LPP: variants seen among roughly 807,000 people sequenced by gnomAD.
LPP encodes the protein LIM domain containing preferred translocation partner in lipoma, also known as lipoma-preferred partner.
LPP carries 38 observed loss-of-function variants against 60.4 expected under a neutral mutation model. That is an observed-to-expected ratio of 0.63 (90% CI 0.49 to 0.83). The LOEUF (loss-of-function observed/expected upper bound fraction) is 0.83, where lower values mean the gene tolerates loss of function less well. Among genes scored for constraint, LPP ranks in the 40% least tolerant of loss-of-function variants. The pLI, the probability that LPP is intolerant of heterozygous loss-of-function variation, is 0.00. For missense variants in LPP, 902 were observed against 783.6 expected, an observed-to-expected ratio of 1.15 and a Z score of -1.80; for synonymous variants, 328 against 290.8, an observed-to-expected ratio of 1.13 and a Z score of -1.30.
At chr3:188,752,990 C>T (rs1728577216) in intron 8 of LPP, among the ~76,000 whole-genome samples, 1 of 152,180 alleles carries the variant, frequency 6.6e-6, no homozygotes, top group South Asian at 2.1e-4. Flanking sequence ...ACTGGCCCTT[C>T]CTCTTTCCCT....
At chr3:188,620,926 T>A (rs942080525) in intron 7 of LPP, among the ~76,000 whole-genome samples, 4 of 152,196 alleles carry the variant, frequency 2.6e-5, no homozygotes, top group African/African-American at 9.7e-5. Context: ...ATTGCATGTA[T>A]CAGGCACTCA....
At chr3:188,200,733 T>C (rs1477428500) in intron 1 of LPP, among the ~76,000 whole-genome samples, 1 of 152,186 alleles carries the variant, frequency 6.6e-6, no homozygotes, top group Non-Finnish European at 1.5e-5. Flanking sequence ...GGGAATGTAA[T>C]TTTTAAGTCG....
At chr3:188,797,734 C>T (rs1745799893) in intron 9 of LPP, among the ~76,000 whole-genome samples, 1 of 152,196 alleles carries the variant, frequency 6.6e-6, no homozygotes, top group South Asian at 2.1e-4. Context: ...TCACTCCCTG[C>T]TCTGCTCACT....
chr3:188,558,075 T>C (rs1829893713), intron 6 of LPP, among the ~76,000 whole-genome samples: 1 of 152,130 alleles, frequency 6.6e-6, no homozygotes, highest in African/African-American at 2.4e-5. Context: ...AAATAGTATC[T>C]CTACCTCAAC....
chr3:188,621,578 C>G (rs1845806073), intron 7 of LPP, among the ~76,000 whole-genome samples: 1 of 152,156 alleles, frequency 6.6e-6, no homozygotes, highest in African/African-American at 2.4e-5. Flanking sequence ...CCATTTCCAG[C>G]TATGTTCTTC....
Position 188,187,756 on chromosome 3 carries a change from A to G in LPP, c.-190+33504A>G, listed in dbSNP as rs141959674. On this transcript the variant is annotated intron_variant, in intron 1 of 11. Transcript: ENST00000617246. Reference sequence around the variant, plus strand: ...CCCTGTGTTTTTATTATGGTTTCAGATATTTCCAGGCTTTCATGGAGGCAT... The same window carrying G: ...CCCTGTGTTTTTATTATGGTTTCAGGTATTTCCAGGCTTTCATGGAGGCAT... Among the ~76,000 whole-genome samples, 53 of 152,218 alleles carry G rather than the reference A, an allele frequency of 3.5e-4. 1 individual carries two copies. In the East Asian group the frequency reaches 9.5e-3, roughly 27 times the overall value.
chr3:188,226,862 C>T (rs761690610), intron 2 of LPP, among the ~76,000 whole-genome samples: 5 of 152,174 alleles, frequency 3.3e-5, no homozygotes, highest in Non-Finnish European at 7.3e-5. Flanking sequence ...CTTAAAAGTA[C>T]AACTGACTGT....
At chr3:188,280,661 T>C (rs1445377864) in intron 2 of LPP, among the ~76,000 whole-genome samples, 1 of 152,030 alleles carries the variant, frequency 6.6e-6, no homozygotes, top group African/African-American at 2.4e-5. Context: ...GACAGGTGAT[T>C]TGTGAGTCTT....
At chr3:188,495,358 A>T (rs1243569692) in intron 5 of LPP, among the ~76,000 whole-genome samples, 1 of 151,238 alleles carries the variant, frequency 6.6e-6, no homozygotes, top group East Asian at 1.9e-4. Flanking sequence ...GTGATTTATA[A>T]TTTGCAAAAT....
intron 1 of LPP, among the ~76,000 whole-genome samples, chr3:188,190,926 C>T (rs1013600358): frequency 1.3e-4 from 20 of 152,166 alleles, no homozygotes; most frequent in African/African-American, 4.6e-4. Flanking sequence ...TTTGATGTGC[C>T]ACCATTTTTA....
chr3:188,667,204 C>T (rs965118168), intron 7 of LPP, among the ~76,000 whole-genome samples: 5 of 152,244 alleles, frequency 3.3e-5, no homozygotes, highest in South Asian at 2.1e-4. Flanking sequence ...GTTGGCTGGG[C>T]GCAATGGCTC....
chr3:188,169,747 A>G (rs1156455130), intron 1 of LPP, among the ~76,000 whole-genome samples: 2 of 152,196 alleles, frequency 1.3e-5, no homozygotes, highest in Non-Finnish European at 2.9e-5. Context: ...GTGATGTAAT[A>G]TGCTTTGGGG....
At chr3:188,623,027 T>TAAAAAAAAAAAAAA (rs747020083) in intron 7 of LPP, among the ~76,000 whole-genome samples, 1 of 79,462 alleles carries the variant, frequency 1.3e-5, no homozygotes. Context: ...GACTCCATCT[T>TAAAAAAAAAAAAAA]AAAAAAAAAA....
At chr3:188,244,413 A>T (rs1219542638) in intron 2 of LPP, among the ~76,000 whole-genome samples, 5 of 152,212 alleles carry the variant, frequency 3.3e-5, no homozygotes, top group African/African-American at 1.2e-4. Flanking sequence ...CTAGTGGTCC[A>T]ACTTGGGTTC....
At chr3:188,487,790 A>T (rs1173173393) in intron 5 of LPP, among the ~76,000 whole-genome samples, 2 of 151,982 alleles carry the variant, frequency 1.3e-5, no homozygotes, top group Non-Finnish European at 2.9e-5. Flanking sequence ...TATGGTTAAA[A>T]CCTCATGTTC....
intron 2 of LPP, among the ~76,000 whole-genome samples, chr3:188,331,061 G>A (rs1413933510): frequency 6.6e-6 from 1 of 151,858 alleles, no homozygotes; most frequent in Non-Finnish European, 1.5e-5. Context: ...CTCGCAAATT[G>A]CATAGTGATA....
intron 6 of LPP, among the ~76,000 whole-genome samples, chr3:188,607,872 T>G (rs1462814565): frequency 6.6e-6 from 1 of 152,224 alleles, no homozygotes; most frequent in Non-Finnish European, 1.5e-5. Flanking sequence ...TACAATCATC[T>G]ATAAATACAG....
chr3:188,358,072 T>C (rs1289385394), intron 3 of LPP, among the ~76,000 whole-genome samples: 1 of 152,228 alleles, frequency 6.6e-6, no homozygotes, highest in African/African-American at 2.4e-5. Context: ...TCTCTGGGAC[T>C]TGTACTAAAT....
chr3:188,821,549 C>T (rs1753960509), intron 9 of LPP, among the ~76,000 whole-genome samples: 1 of 151,858 alleles, frequency 6.6e-6, no homozygotes, highest in Non-Finnish European at 1.5e-5. Context: ...AGCTAACCTG[C>T]TAACCTTTTT....
Sources: gnomAD v4.1 joint callset for allele counts (sites outside exome capture counted in the v4.1 genomes callset) on GRCh38, gnomAD v4.1.1 for gene constraint, MANE v1.5 for transcripts, NCBI Gene and HGNC (gene_info 2026-07-23, HGNC 2026-07-21) for gene names.